Variants in LAMC1 observed in about 807,000 individuals in gnomAD.
LAMC1 encodes the protein laminin subunit gamma 1.
Under a neutral mutation model 173.6 loss-of-function variants are expected in LAMC1, and 38 were observed. That is an observed-to-expected ratio of 0.22 (90% CI 0.17 to 0.29). LAMC1 has a LOEUF of 0.29. Among genes scored for constraint, LAMC1 ranks in the 10% least tolerant of loss-of-function variants. LAMC1 has a pLI of 1.00. For synonymous variants in LAMC1, 746 were observed against 749.1 expected (o/e 1.00, Z 0.07); for missense variants, 1,824 against 2,051.8 (o/e 0.89, Z 2.14).
At chr1:183,127,096 T>C in intron 16 of LAMC1, 130 bp from the exon 17 acceptor site, 2 of 731,354 alleles carry the variant, frequency 2.7e-6, no homozygotes, top group Non-Finnish European at 4.2e-6. Flanking sequence ...ATCTCATAAA[T>C]AGTCCTGTTT....
Position 183,070,559 on chromosome 1 carries a change from G to T in LAMC1, c.419-32769G>T, listed in dbSNP as rs111893751. ...TACTACCATTTGTATTTAATGTCTA[G>T]GGTGGTGAGATAAGAGCTCCTATTA... is the stretch of plus-strand genomic sequence containing the variant. On this transcript the variant is annotated intron_variant, in intron 1 of 27. Coordinates refer to ENST00000258341, the MANE Select transcript of LAMC1 (RefSeq NM_002293.4). 2.6e-5 allele frequency among the ~76,000 whole-genome samples: 4 copies of T among 152,244 alleles called. 1 individual carries two copies. Among genetic ancestry groups the T allele is most frequent in the African/African-American group, 9.6e-5 (4 of 41,532 alleles).
intron 1 of LAMC1, among the ~76,000 whole-genome samples, chr1:183,092,825 C>G (rs906428263): frequency 1.3e-5 from 2 of 152,146 alleles, no homozygotes; most frequent in Non-Finnish European, 2.9e-5. Flanking sequence ...CCAATCCACT[C>G]CAAACCACCA....
At chr1:183,054,284 C>T (rs1345419819) in intron 1 of LAMC1, among the ~76,000 whole-genome samples, 6 of 152,204 alleles carry the variant, frequency 3.9e-5, no homozygotes, top group East Asian at 1.9e-4. Context: ...TCCCAGTTTA[C>T]GGAGGAGGAA....
intron 1 of LAMC1, among the ~76,000 whole-genome samples, chr1:183,077,784 A>ATATATATATATATG (rs1655156860): frequency 9.5e-6 from 1 of 105,360 alleles, no homozygotes; most frequent in African/African-American, 2.9e-5. Flanking sequence ...GTGTATATAT[A>ATATATATATATATG]TATATATATA....
chr1:183,092,558 T>C (rs1655591758), intron 1 of LAMC1, among the ~76,000 whole-genome samples: 1 of 152,128 alleles, frequency 6.6e-6, no homozygotes, highest in Non-Finnish European at 1.5e-5. Context: ...TGGGACCTTA[T>C]TGTGGGCCAG....
Position 183,131,296 on chromosome 1 carries a change from C to T in LAMC1, c.3487-3C>T. ...GAGAATAAGTGCTTTATTTCCTGTG[C>T]AGTCAGTCACTCAGCCAGAATCTAC... On this transcript the variant is annotated splice_polypyrimidine_tract_variant and splice_region_variant and intron_variant, in intron 19 of 27. Transcript: ENST00000258341. The T allele has an allele frequency of 6.2e-7, 1 of 1,609,162 alleles. No individual in the cohort carries two copies. Among genetic ancestry groups the T allele is most frequent in the Non-Finnish European group, 8.5e-7 (1 of 1,175,762 alleles).
chr1:183,098,113 G>A (rs998978621), intron 1 of LAMC1, among the ~76,000 whole-genome samples: 1 of 152,152 alleles, frequency 6.6e-6, no homozygotes, highest in Admixed American at 6.5e-5. Flanking sequence ...TAATCTAGTA[G>A]TGTCATCAGA....
intron 1 of LAMC1, among the ~76,000 whole-genome samples, chr1:183,089,478 A>G (rs1271992562): frequency 2.0e-5 from 3 of 152,246 alleles, no homozygotes; most frequent in Admixed American, 2.0e-4. Flanking sequence ...TACATAATTT[A>G]TAAAACAGTT....
At chr1:183,131,427 G>GT (rs55857017) in intron 20 of LAMC1, 49 bp downstream of exon 20, 503,505 of 1,050,754 alleles carry the variant, frequency 0.48, 161,104 homozygotes, top group Admixed American at 0.63. Context: ...TTCTGTTATG[G>GT]GGTGTGTGTG....
At chr1:183,113,913 T>G (rs1257249476) in intron 4 of LAMC1, among the ~76,000 whole-genome samples, 1 of 152,262 alleles carries the variant, frequency 6.6e-6, no homozygotes, top group African/African-American at 2.4e-5. Context: ...CTTTTACTTG[T>G]ATATGAACAA....
chr1:183,108,782 G>A (rs540009935), intron 3 of LAMC1, among the ~76,000 whole-genome samples: 45 of 152,204 alleles, frequency 3.0e-4, no homozygotes, highest in Non-Finnish European at 5.9e-4. Flanking sequence ...CATGAACAGG[G>A]TAGGCAATGT....
chr1:183,075,333 C>T (rs917041729), intron 1 of LAMC1, among the ~76,000 whole-genome samples: 1 of 152,082 alleles, frequency 6.6e-6, no homozygotes, highest in Non-Finnish European at 1.5e-5. Context: ...CCAGGCTGGT[C>T]TCAAAGTCCT....
intron 1 of LAMC1, among the ~76,000 whole-genome samples, chr1:183,083,090 TC>T (rs1409087596): frequency 6.6e-6 from 1 of 152,186 alleles, no homozygotes; most frequent in African/African-American, 2.4e-5. Flanking sequence ...TGAAAAAAGA[TC>T]AATAACTTTT....
intron 6 of LAMC1, 24 bp from the exon 7 acceptor site, chr1:183,116,553 T>G: frequency 6.8e-7 from 1 of 1,465,598 alleles, no homozygotes. Context: ...TCTCTGATTG[T>G]TTTATCCATT....
At chr1:183,045,497 G>A (rs1558031430) in intron 1 of LAMC1, among the ~76,000 whole-genome samples, 1 of 152,000 alleles carries the variant, frequency 6.6e-6, no homozygotes, top group Non-Finnish European at 1.5e-5. Context: ...AAAAAGTTCA[G>A]TATATTTTTG....
chr1:183,118,231 T>C, intron 11 of LAMC1, 85 bp downstream of exon 11: 2 of 759,346 alleles, frequency 2.6e-6, no homozygotes, highest in South Asian at 1.7e-5. Context: ...TTCTCTTTCC[T>C]AATAATATAA....
chr1:183,101,830 T>C (rs557507197), intron 1 of LAMC1, among the ~76,000 whole-genome samples: 1 of 152,310 alleles, frequency 6.6e-6, no homozygotes, highest in African/African-American at 2.4e-5. Context: ...GTATGTTTCA[T>C]GTATGTGGGG....
chr1:183,024,219 G>A (rs1653618229), intron 1 of LAMC1, 85 bp downstream of exon 1: 1 of 1,331,306 alleles, frequency 7.5e-7, no homozygotes, highest in Non-Finnish European at 1.0e-6. Context: ...CCGGCCTCAC[G>A]GGCGCAGACG....
At chr1:183,029,217 TCTTAC>T (rs1653780904) in intron 1 of LAMC1, among the ~76,000 whole-genome samples, 1 of 152,220 alleles carries the variant, frequency 6.6e-6, no homozygotes, top group African/African-American at 2.4e-5. Context: ...AAGACTCTAC[TCTTAC>T]CTTCTATATC....
Sources: gnomAD v4.1 joint callset for allele counts (sites outside exome capture counted in the v4.1 genomes callset) on GRCh38, gnomAD v4.1.1 for gene constraint, MANE v1.5 for transcripts, NCBI Gene and HGNC (gene_info 2026-07-23, HGNC 2026-07-21) for gene names.